Variants in EIF4G3 observed in about 807,000 individuals in gnomAD.
EIF4G3 encodes eukaryotic translation initiation factor 4 gamma 3, also known as eIF-4-gamma 3.
Under a neutral mutation model 186.4 loss-of-function variants are expected in EIF4G3, and 34 were observed. The ratio of observed to expected loss-of-function variants is 0.18; its 90% CI spans 0.14 to 0.24. The LOEUF is 0.24. Among genes scored for constraint, EIF4G3 ranks in the 10% least tolerant of loss-of-function variants. The pLI, the probability that EIF4G3 is intolerant of heterozygous loss-of-function variation, is 1.00. For synonymous variants in EIF4G3, 673 were observed against 679.5 expected, an observed-to-expected ratio of 0.99 and a Z score of 0.15; for missense variants, 1,536 against 1,948.5, an observed-to-expected ratio of 0.79 and a Z score of 3.99.
chr1:20,978,565 C>A (rs1030932278), intron 10 of EIF4G3, among the ~76,000 whole-genome samples: 4 of 151,622 alleles, frequency 2.6e-5, no homozygotes, highest in African/African-American at 9.7e-5. Flanking sequence ...ATGATAAAAT[C>A]TTGCACTGTC....
chr1:20,969,249 G>A (rs2075339823), intron 12 of EIF4G3, among the ~76,000 whole-genome samples: 1 of 152,124 alleles, frequency 6.6e-6, no homozygotes, highest in Admixed American at 6.5e-5. Context: ...CCTCACCTGT[G>A]CTCTGATTGT....
chr1:20,868,042 G>A (rs1231550425), intron 20 of EIF4G3, among the ~76,000 whole-genome samples: 1 of 150,842 alleles, frequency 6.6e-6, no homozygotes, highest in Non-Finnish European at 1.5e-5. Flanking sequence ...ATATGGAAAG[G>A]GGCCAGTGAG....
At chr1:20,916,395 C>T (rs1325666322) in intron 14 of EIF4G3, among the ~76,000 whole-genome samples, 13 of 151,164 alleles carry the variant, frequency 8.6e-5, no homozygotes, top group Non-Finnish European at 1.6e-4. Flanking sequence ...TGCAGTGAGC[C>T]GAGATCGTGC....
intron 4 of EIF4G3, among the ~76,000 whole-genome samples, chr1:21,046,335 T>C (rs534003643): frequency 9.8e-5 from 15 of 152,328 alleles, no homozygotes; most frequent in Middle Eastern, 3.4e-3. Context: ...CTACAGCTCA[T>C]GTAAAAAAGG....
At chr1:21,123,928 T>G (rs1326743300) in intron 2 of EIF4G3, among the ~76,000 whole-genome samples, 1 of 152,114 alleles carries the variant, frequency 6.6e-6, no homozygotes, top group East Asian at 1.9e-4. Flanking sequence ...AATTTAGGAG[T>G]TGGAAACACA....
chr1:21,144,461 T>C (rs1421829186), intron 2 of EIF4G3, among the ~76,000 whole-genome samples: 3 of 151,880 alleles, frequency 2.0e-5, no homozygotes, highest in African/African-American at 7.3e-5. Context: ...CTCGCTGTGT[T>C]GCCTAGGCTG....
chr1:20,971,854 G>A (rs991372777), intron 11 of EIF4G3, among the ~76,000 whole-genome samples: 3 of 152,112 alleles, frequency 2.0e-5, no homozygotes, highest in Admixed American at 6.5e-5. Flanking sequence ...GGTTGGTCTC[G>A]AGCTCCTTAC....
At chr1:20,867,319 C>T (rs911112793) in intron 20 of EIF4G3, among the ~76,000 whole-genome samples, 1 of 152,180 alleles carries the variant, frequency 6.6e-6, no homozygotes, top group African/African-American at 2.4e-5. Context: ...GCTCTTTAAT[C>T]TACTATGTAA....
intron 2 of EIF4G3, among the ~76,000 whole-genome samples, chr1:21,110,154 T>G (rs1245183412): frequency 6.6e-6 from 1 of 152,158 alleles, no homozygotes; most frequent in Admixed American, 6.5e-5. Context: ...TAAGGATAAC[T>G]TCTATATTTT....
chr1:21,079,862 C>T (rs1442286274), intron 3 of EIF4G3, among the ~76,000 whole-genome samples: 1 of 151,582 alleles, frequency 6.6e-6, no homozygotes, highest in African/African-American at 2.4e-5. Context: ...AAAAATTAGC[C>T]AGGCATGGCC....
At chr1:21,054,082 G>C (rs999471205) in intron 3 of EIF4G3, among the ~76,000 whole-genome samples, 1 of 152,170 alleles carries the variant, frequency 6.6e-6, no homozygotes, top group Non-Finnish European at 1.5e-5. Context: ...TGTCTGTGTA[G>C]AAAGAGGTAG....
At chr1:21,157,300 C>T (rs117637378) in intron 2 of EIF4G3, among the ~76,000 whole-genome samples, 2 of 152,160 alleles carry the variant, frequency 1.3e-5, no homozygotes, top group East Asian at 3.9e-4. Context: ...TCCCCTAGTC[C>T]TCACTGACTT....
intron 4 of EIF4G3, 44 bp from the exon 5 acceptor site, chr1:21,002,852 T>A (rs41265979): frequency 8.8e-7 from 1 of 1,135,388 alleles, no homozygotes; most frequent in African/African-American, 1.6e-5. Context: ...TGAAAAAATA[T>A]GGCATGGCAA....
intron 4 of EIF4G3, among the ~76,000 whole-genome samples, chr1:21,011,801 A>G (rs930103587): frequency 1.3e-5 from 2 of 152,226 alleles, no homozygotes; most frequent in South Asian, 4.1e-4. Flanking sequence ...TCTTTTTAGT[A>G]TACTGTATTG....
chr1:21,169,119 C>T (rs1490641277), intron 2 of EIF4G3, among the ~76,000 whole-genome samples: 1 of 151,914 alleles, frequency 6.6e-6, no homozygotes, highest in Non-Finnish European at 1.5e-5. Flanking sequence ...TGTAGTGAGC[C>T]ATGACCATGC....
rs1207799209 is a variant in EIF4G3, at chr1:20,905,696, AG to A, written c.1664-726del. ...AATTCCACAGAATCATGGGTGTATA[AG>A]TGAAAGACATTTTAACCATCAGATA... On this transcript the variant is annotated intron_variant, in intron 14 of 36. Transcript: ENST00000602326. 2.0e-5 allele frequency among the ~76,000 whole-genome samples: 3 copies of A among 152,356 alleles called. No individual in the cohort carries two copies. The East Asian group carries it at 5.8e-4, about 29-fold the overall frequency.
At chr1:20,904,995 T>G (rs1323496935) in intron 14 of EIF4G3, 24 bp from the exon 15 acceptor site, 1 of 1,555,610 alleles carries the variant, frequency 6.4e-7, no homozygotes, top group Admixed American at 1.7e-5. Context: ...TCAGGCCCAT[T>G]ACTTGCCACT....
intron 3 of EIF4G3, among the ~76,000 whole-genome samples, chr1:21,051,865 T>G (rs2094235063): frequency 6.6e-6 from 1 of 152,032 alleles, no homozygotes; most frequent in East Asian, 1.9e-4. Context: ...CCCTATCTCT[T>G]TAAATACAAA....
In EIF4G3 at chr1:20,807,527, A is replaced by G. The variant is rs777718666; in HGVS notation, c.4745-27T>C. Reference sequence around the variant, plus strand: ...TGCAAGGAGGTGAAAATAAACTATAAGCTTTGGGACACTGTAGTTATGAGG... The same window carrying G: ...TGCAAGGAGGTGAAAATAAACTATAGGCTTTGGGACACTGTAGTTATGAGG... On this transcript the variant is annotated intron_variant, in intron 36 of 36. Transcript: ENST00000602326. 3.2e-6 allele frequency: 5 copies of G among 1,562,764 alleles called. No individual in the cohort carries two copies. In the East Asian group the frequency reaches 1.1e-4, roughly 36 times the overall value.
Sources: gnomAD v4.1 joint callset for allele counts (sites outside exome capture counted in the v4.1 genomes callset) on GRCh38, gnomAD v4.1.1 for gene constraint, MANE v1.5 for transcripts, NCBI Gene and HGNC (gene_info 2026-07-23, HGNC 2026-07-21) for gene names.